Variants in PDE3B observed in about 807,000 individuals in gnomAD.
PDE3B encodes phosphodiesterase 3B.
Under a neutral mutation model 116.8 loss-of-function variants are expected in PDE3B, and 66 were observed. The ratio of observed to expected loss-of-function variants is 0.56; its 90% CI spans 0.46 to 0.69. The LOEUF is 0.69. Ranked by LOEUF, PDE3B falls within the 30% of genes least tolerant of loss-of-function variation. The pLI, the probability that PDE3B is intolerant of heterozygous loss-of-function variation, is 0.00. For missense variants in PDE3B, 1,384 were observed against 1,368.1 expected, an observed-to-expected ratio of 1.01 and a Z score of -0.18; for synonymous variants, 595 against 533.6, an observed-to-expected ratio of 1.12 and a Z score of -1.59.
At chr11:14,772,143 C>T (rs904948534) in intron 2 of PDE3B, 156 bp downstream of exon 2, 4 of 399,784 alleles carry the variant, frequency 1.0e-5, no homozygotes, top group African/African-American at 2.1e-5. Context: ...CTAGAACCTT[C>T]ATTGAGGTAG....
intron 14 of PDE3B, among the ~76,000 whole-genome samples, 165 bp from the exon 15 acceptor site, chr11:14,867,341 C>T (rs1173596883): frequency 6.6e-6 from 1 of 152,064 alleles, no homozygotes; most frequent in African/African-American, 2.4e-5. Context: ...TAGGATTTCT[C>T]AATGTTAAAT....
intron 7 of PDE3B, among the ~76,000 whole-genome samples, chr11:14,828,349 A>G (rs903092243): frequency 2.0e-5 from 3 of 152,260 alleles, no homozygotes; most frequent in African/African-American, 7.2e-5. Context: ...GAGCTTCTGC[A>G]CAGCAAAATA....
At chr11:14,882,405 T>TA in the PDE3B span, among the ~76,000 whole-genome samples, 5 of 151,958 alleles carry the variant, frequency 3.3e-5, no homozygotes, top group Admixed American at 3.3e-4. Flanking sequence ...CCACTGCAGT[T>TA]AGAGGTAACA....
intron 1 of PDE3B, among the ~76,000 whole-genome samples, chr11:14,744,122 T>G (rs1856843473): frequency 6.6e-6 from 1 of 152,210 alleles, no homozygotes; most frequent in African/African-American, 2.4e-5. Flanking sequence ...ATTCTCAGTT[T>G]TATTCCATTG....
chr11:14,818,309 T>A lies in PDE3B; in HGVS notation c.1649T>A (p.Ile550Asn), dbSNP rs1393832121. The A allele has an allele frequency of 6.2e-7, 1 of 1,613,740 alleles. No individual in the cohort carries two copies. The highest frequency in any genetic ancestry group is 1.7e-5 in the Admixed American group (1 of 60,000). Residue 550 changes from isoleucine to asparagine, a missense_variant, in exon 6 of 16, where the codon ATC becomes AAC. Ile to Asn is a moderately radical substitution (Grantham distance 149). Around this residue, in one of 2 missense-constraint regions of PDE3B, gnomAD observed 956 missense variants for 806.8 expected, o/e 1.18. Transcript: ENST00000282096. ...GATTTTCTTAATAAGCCAAGCGTTA[T>A]CTTGCAGAGATCTCTGGGCAATGCA... Reference protein sequence around the residue: ...TADFLNKPSVILQRSLGNAPN... With the variant: ...TADFLNKPSVNLQRSLGNAPN...
intron 5 of PDE3B, among the ~76,000 whole-genome samples, chr11:14,806,522 A>T (rs1303916689): frequency 6.6e-6 from 1 of 151,996 alleles, no homozygotes; most frequent in African/African-American, 2.4e-5. Context: ...ACAATAGCAA[A>T]GACTTGGAAC....
chr11:14,895,813 C>G, the PDE3B span, among the ~76,000 whole-genome samples: 3 of 152,176 alleles, frequency 2.0e-5, no homozygotes, highest in Non-Finnish European at 4.4e-5. Flanking sequence ...CAGGAGAGTA[C>G]AGCAATAGGA....
intron 1 of PDE3B, among the ~76,000 whole-genome samples, chr11:14,766,690 G>A (rs1857507458): frequency 6.6e-6 from 1 of 151,360 alleles, no homozygotes; most frequent in South Asian, 2.1e-4. Flanking sequence ...AAAAAACAGG[G>A]TATATAGATT....
At chr11:14,663,650 A>G (rs2133767012) in intron 1 of PDE3B, among the ~76,000 whole-genome samples, 1 of 152,338 alleles carries the variant, frequency 6.6e-6, no homozygotes, top group Admixed American at 6.5e-5. Context: ...CTTTAAACCA[A>G]CAAAGATCAA....
At chr11:14,688,607 T>C (rs976012497) in intron 1 of PDE3B, among the ~76,000 whole-genome samples, 1 of 152,182 alleles carries the variant, frequency 6.6e-6, no homozygotes, top group Non-Finnish European at 1.5e-5. Flanking sequence ...ATTTATTTTA[T>C]TTCTCAGAAG....
At chr11:14,892,046 A>G in the PDE3B span, 1 of 1,613,224 alleles carries the variant, frequency 6.2e-7, no homozygotes, top group African/African-American at 1.3e-5. Flanking sequence ...GCTGCCAGGG[A>G]ATAGATGTTG....
chr11:14,896,410 CA>C, the PDE3B span, among the ~76,000 whole-genome samples: 1 of 152,258 alleles, frequency 6.6e-6, no homozygotes, highest in Non-Finnish European at 1.5e-5. Context: ...TAATGGTGAG[CA>C]AAATCAGCCA....
intron 12 of PDE3B, among the ~76,000 whole-genome samples, chr11:14,845,948 A>C (rs1404713640): frequency 1.3e-5 from 2 of 152,246 alleles, no homozygotes; most frequent in African/African-American, 4.8e-5. Context: ...TCCCCAATCT[A>C]GCAAGGCAGG....
chr11:14,763,293 AGT>A (rs1283039226), intron 1 of PDE3B, among the ~76,000 whole-genome samples: 2 of 152,256 alleles, frequency 1.3e-5, no homozygotes, highest in South Asian at 2.1e-4. Context: ...AAGTATGAAG[AGT>A]GAGACTTGAC....
At chr11:14,860,640 T>C (rs1730345606) in intron 13 of PDE3B, among the ~76,000 whole-genome samples, 1 of 152,118 alleles carries the variant, frequency 6.6e-6, no homozygotes, top group Admixed American at 6.6e-5. Flanking sequence ...GAAAGTTAGA[T>C]TCGAATAGGT....
At chr11:14,660,651 A>T (rs1027804443) in intron 1 of PDE3B, among the ~76,000 whole-genome samples, 84 of 152,012 alleles carry the variant, frequency 5.5e-4, no homozygotes, top group African/African-American at 2.0e-3. Flanking sequence ...ATTCTTTCTA[A>T]TATTTCTTAT....
At chr11:14,666,759 A>G (rs1255915662) in intron 1 of PDE3B, among the ~76,000 whole-genome samples, 3,839 of 152,008 alleles carry the variant, frequency 0.025, 70 homozygotes, top group Non-Finnish European at 0.041. Context: ...AGTTAGAATG[A>G]CAATCATTAA....
At chr11:14,712,494 A>G (rs1229211805) in intron 1 of PDE3B, among the ~76,000 whole-genome samples, 2 of 31,618 alleles carry the variant, frequency 6.3e-5, no homozygotes, top group Non-Finnish European at 6.3e-5. Flanking sequence ...TTTTTTTTTG[A>G]GATGGAGTCT....
In PDE3B at chr11:14,789,155, G is replaced by A; in HGVS notation, c.1328G>A (p.Gly443Glu). ...LPTPQLRRSSGTSGLLPVEQS... is the reference protein window; with the variant it reads ...LPTPQLRRSSETSGLLPVEQS... ...ACTCCACAGCTGAGGAGAAGCTCAG[G>A]AACTTCAGGATTGCTACCTGTTGAA... Residue 443 changes from glycine (G) to glutamate (E), a missense_variant, in exon 4 of 16, where the codon GGA (glycine) becomes GAA (glutamate). By Grantham distance (98) the Gly-to-Glu change is moderately conservative. Around this residue, in one of 2 missense-constraint regions of PDE3B, gnomAD observed 956 missense variants for 806.8 expected, o/e 1.18. Transcript: ENST00000282096. 1 of 1,611,016 alleles carries A rather than the reference G, an allele frequency of 6.2e-7. No homozygotes were observed. The highest frequency in any genetic ancestry group is 8.5e-7 in the Non-Finnish European group (1 of 1,177,820).
Sources: gnomAD v4.1 joint callset for allele counts (sites outside exome capture counted in the v4.1 genomes callset) on GRCh38, gnomAD v4.1.1 for gene constraint, gnomAD v4.1.1 regional missense constraint, MANE v1.5 for transcripts, NCBI Gene and HGNC (gene_info 2026-07-23, HGNC 2026-07-21) for gene names.